Variants in C12orf56 observed in about 807,000 individuals in gnomAD.
C12orf56 encodes the protein uncharacterized protein C12orf56.
C12orf56 carries 71 observed loss-of-function variants against 69.9 expected under a neutral mutation model. That is an observed-to-expected ratio of 1.02 (90% confidence interval 0.84 to 1.24). C12orf56 has a LOEUF of 1.24. C12orf56 is among the 50% of genes most tolerant of loss of function. C12orf56 has a pLI of 0.00. For synonymous variants in C12orf56, 276 were observed against 274.1 expected, an observed-to-expected ratio of 1.01 and a Z score of -0.07; for missense variants, 732 against 738.5, an observed-to-expected ratio of 0.99 and a Z score of 0.10.
At chr12:64,338,519 G>T in intron 2 of C12orf56, 1 of 1,177,592 alleles carries the variant, frequency 8.5e-7, no homozygotes, top group African/African-American at 1.5e-5. Flanking sequence ...GTACAAACCT[G>T]TGGTAAGGTC....
chr12:64,319,205 G>A (rs1231647664), intron 3 of C12orf56, among the ~76,000 whole-genome samples: 1 of 152,004 alleles, frequency 6.6e-6, no homozygotes, highest in African/African-American at 2.4e-5. Flanking sequence ...ACTGTATTTC[G>A]GAAATACATT....
intron 8 of C12orf56, among the ~76,000 whole-genome samples, chr12:64,279,053 T>C (rs1565735677): frequency 6.6e-6 from 1 of 152,214 alleles, no homozygotes; most frequent in South Asian, 2.1e-4. Flanking sequence ...TTGGTTTCTG[T>C]TAATAATGTA....
intron 1 of C12orf56, among the ~76,000 whole-genome samples, chr12:64,380,135 C>A (rs111533165): frequency 0.19 from 7,411 of 38,572 alleles, 293 homozygotes; most frequent in African/African-American, 0.22. Flanking sequence ...AAAAAAAAAA[C>A]AAAACAAACA....
At chr12:64,383,708 AAATGTGCTGATAC>A (rs2039752021) in intron 1 of C12orf56, among the ~76,000 whole-genome samples, 1 of 152,062 alleles carries the variant, frequency 6.6e-6, no homozygotes, top group Non-Finnish European at 1.5e-5. Context: ...TAATATAGGT[AAATGTGCTGATAC>A]AATGTAAAAA....
At position 64,387,763 on chromosome 12, in the gene C12orf56, G is replaced by C. The variant is rs138725085; in HGVS notation, c.252+2551C>G. 8.5e-4 allele frequency among the ~76,000 whole-genome samples: 129 copies of C among 151,984 alleles called. 1 individual carries two copies. The East Asian group carries it at 0.024, about 29-fold the overall frequency. ...GGAGGCAGAGGTTGCAGTGAACTGAGATCGGGCCACTGCACTCCAGCCTGG... is the reference window on the plus strand; with the variant it reads ...GGAGGCAGAGGTTGCAGTGAACTGACATCGGGCCACTGCACTCCAGCCTGG... On this transcript the variant is annotated intron_variant, in intron 1 of 12. Transcript: ENST00000543942.
At chr12:64,287,273 G>A (rs2038220042) in intron 6 of C12orf56, among the ~76,000 whole-genome samples, 1 of 147,746 alleles carries the variant, frequency 6.8e-6, no homozygotes, top group Non-Finnish European at 1.5e-5. Context: ...AGAAGAAGAA[G>A]AAGAAGAAGA....
At chr12:64,283,247 G>A (rs971578137) in intron 8 of C12orf56, among the ~76,000 whole-genome samples, 3 of 152,198 alleles carry the variant, frequency 2.0e-5, no homozygotes, top group Non-Finnish European at 4.4e-5. Flanking sequence ...GGGAGGCTGA[G>A]TCAGGAGAAT....
At chr12:64,357,922 A>G (rs949370675) in intron 1 of C12orf56, among the ~76,000 whole-genome samples, 3 of 152,044 alleles carry the variant, frequency 2.0e-5, no homozygotes, top group African/African-American at 7.2e-5. Flanking sequence ...AAAGAAAAAG[A>G]AAAAGAAATA....
At chr12:64,363,231 A>G (rs1387126579) in intron 1 of C12orf56, among the ~76,000 whole-genome samples, 1 of 152,184 alleles carries the variant, frequency 6.6e-6, no homozygotes, top group East Asian at 1.9e-4. Flanking sequence ...ACCAGCTACT[A>G]TTCTTGAAAT....
At position 64,265,574 on chromosome 12, in the gene C12orf56, C is replaced by T. The variant is rs1459111056; in HGVS notation, c.*1609G>A. ...CTAGCAGAGGAAGCCCAGGAAGAAA[C>T]AGATGTGGCCTGGAAAGGGGGCCTG... is the stretch of plus-strand genomic sequence containing the variant. On this transcript the variant is annotated 3_prime_UTR_variant, in exon 13 of 13. Transcript: ENST00000543942. 1 of 152,204 alleles carries T rather than the reference C, an allele frequency of 6.6e-6. No homozygotes were observed. Among genetic ancestry groups the T allele is most frequent in the Non-Finnish European group, 1.5e-5 (1 of 68,056 alleles). The allele number at this position is 152,204 out of a possible 1,614,324, so 9.4% of individuals were successfully genotyped here. A position where few individuals can be genotyped will look rare whatever the true frequency, so the allele number is the denominator to read the frequency against.
Position 64,349,069 on chromosome 12 carries a change from T to C in C12orf56, c.415+3825A>G, listed in dbSNP as rs184514966. ...GTGCAATGGTGTGATCTCAGCTGAC[T>C]GCAACCTCTGCCTCCCAGGTTCAAA... On this transcript the variant is annotated intron_variant, in intron 2 of 12. Coordinates refer to ENST00000543942, the MANE Select transcript of C12orf56 (RefSeq NM_001170633.2). Among the ~76,000 whole-genome samples, 518 of 152,310 alleles carry C rather than the reference T, an allele frequency of 3.4e-3. 3 individuals are homozygous for C. The highest frequency in any genetic ancestry group is 2.7e-3 in the Non-Finnish European group (185 of 68,028).
intron 3 of C12orf56, among the ~76,000 whole-genome samples, chr12:64,329,402 T>G (rs947874791): frequency 1.3e-5 from 2 of 152,060 alleles, no homozygotes; most frequent in African/African-American, 4.8e-5. Context: ...CTACCCCAGT[T>G]CACATTCTAA....
At position 64,278,868 on chromosome 12, in the gene C12orf56, A is replaced by G. The variant is rs1283425283; in HGVS notation, c.1311-1065T>C. 2.0e-5 allele frequency among the ~76,000 whole-genome samples: 3 copies of G among 152,214 alleles called. No individual in the cohort carries two copies. The South Asian group carries it at 6.2e-4, about 32-fold the overall frequency. On this transcript the variant is annotated intron_variant, in intron 8 of 12. Coordinates refer to ENST00000543942, the MANE Select transcript of C12orf56 (RefSeq NM_001170633.2). The stretch of plus-strand genomic sequence containing the variant: ...GCATGAACTCAAAAGTCAAACTCGT[A>G]TTTGTCTTTCTGTGCCTGGCTTATT...
chr12:64,364,589 C>G (rs1403496766), intron 1 of C12orf56, among the ~76,000 whole-genome samples: 3 of 152,102 alleles, frequency 2.0e-5, no homozygotes, highest in African/African-American at 7.2e-5. Flanking sequence ...TCGCATGTTG[C>G]TGGGAGAAGT....
intron 8 of C12orf56, among the ~76,000 whole-genome samples, chr12:64,281,342 G>A (rs749221843): frequency 2.9e-4 from 44 of 152,042 alleles, no homozygotes; most frequent in Non-Finnish European, 5.4e-4. Context: ...AGGCCGAGGC[G>A]GGTGGATTGC....
At chr12:64,312,608 C>A in intron 5 of C12orf56, 71 bp downstream of exon 5, 1 of 1,175,348 alleles carries the variant, frequency 8.5e-7, no homozygotes, top group South Asian at 1.3e-5. Context: ...GACTCAGTTT[C>A]AAAAAAAAGG....
intron 1 of C12orf56, among the ~76,000 whole-genome samples, chr12:64,374,604 C>T (rs564251064): frequency 9.9e-5 from 15 of 150,846 alleles, no homozygotes; most frequent in Admixed American, 8.0e-4. Context: ...AGTGCAGTGG[C>T]GAGATCTCGG....
Position 64,318,730 on chromosome 12 carries a change from C to G in C12orf56, c.739G>C (p.Gly247Arg), listed in dbSNP as rs1477173619. ...SEIPFKCNGN[G>R]NEFYLGNSLL... ...GAATTTCCTAAGTAAAACTCATTTC[C>G]ATTCCCATTGCACTTGAAAGGAATT... is the stretch of plus-strand genomic sequence containing the variant. The change falls in exon 4 of 13, where the codon GGA (glycine) becomes CGA (arginine). Residue 247 changes from glycine to arginine, a missense_variant. Gly to Arg is a moderately radical substitution (Grantham distance 125). Transcript: ENST00000543942. The G allele has an allele frequency of 5.9e-6, 9 of 1,536,844 alleles. No individual in the cohort carries two copies. Among genetic ancestry groups the G allele is most frequent in the Non-Finnish European group, 7.8e-6 (9 of 1,146,844 alleles).
Position 64,285,994 on chromosome 12 carries a change from T to C in C12orf56, c.1180A>G (p.Asn394Asp). ...HEYLPESRDK[N>D]ALQNQSQRVD... ...CTTTGGCTTTGATTTTGTAGTGCAT[T>C]CTTATCCCTAGACTCCGGCAAGTAC... is the stretch of plus-strand genomic sequence containing the variant. Residue 394 changes from asparagine to aspartate, a missense_variant, in exon 7 of 13, where the codon AAT (asparagine) becomes GAT (aspartate). Transcript: ENST00000543942. 2 of 1,611,404 alleles carry C rather than the reference T, an allele frequency of 1.2e-6. No individual in the cohort carries two copies. Among genetic ancestry groups the C allele is most frequent in the Non-Finnish European group, 1.7e-6 (2 of 1,178,010 alleles).
Sources: allele counts gnomAD v4.1 joint callset (sites outside exome capture counted in the v4.1 genomes callset), GRCh38; gene constraint gnomAD v4.1.1; transcripts MANE v1.5; gene names NCBI Gene and HGNC (gene_info 2026-07-23, HGNC 2026-07-21).